The following ANKFN1 variants were observed in gnomAD, a reference collection of about 807,000 sequenced individuals.
The protein encoded by ANKFN1 is ankyrin repeat and fibronectin type III domain containing 1, also known as ankyrin repeat and fibronectin type-III domain-containing protein 1.
ANKFN1 carries 74 observed loss-of-function variants against 108.7 expected under a neutral mutation model. The observed-to-expected ratio is 0.68, with a 90% confidence interval of 0.56 to 0.83. ANKFN1 has a LOEUF of 0.83. Among genes scored for constraint, ANKFN1 ranks in the 40% least tolerant of loss-of-function variants. The probability of loss-of-function intolerance (pLI) is 0.00; values close to 1 mark genes in which losing one functional copy is unlikely to be tolerated. For missense variants in ANKFN1, 1,505 were observed against 1,382.3 expected, an observed-to-expected ratio of 1.09 and a Z score of -1.41; for synonymous variants, 547 against 516.2, an observed-to-expected ratio of 1.06 and a Z score of -0.81.
At chr17:56,499,180 G>A (rs2051291255) in intron 20 of ANKFN1, 82 bp downstream of exon 20, 1 of 1,328,900 alleles carries the variant, frequency 7.5e-7, no homozygotes, top group African/African-American at 1.5e-5. Flanking sequence ...TTTATGCTGA[G>A]GTATTGGTTC....
intron 3 of ANKFN1, among the ~76,000 whole-genome samples, chr17:56,235,575 T>C (rs1917066901): frequency 6.6e-6 from 1 of 152,218 alleles, no homozygotes; most frequent in Non-Finnish European, 1.5e-5. Context: ...TGCATATGGC[T>C]AGCCTGTTAC....
intron 3 of ANKFN1, among the ~76,000 whole-genome samples, chr17:56,231,703 G>A (rs1279481899): frequency 6.6e-6 from 1 of 152,058 alleles, no homozygotes; most frequent in Admixed American, 6.6e-5. Flanking sequence ...ACTGCTTCTT[G>A]TACTTCTAAA....
At chr17:56,164,127 C>G (rs1909937089) in intron 1 of ANKFN1, among the ~76,000 whole-genome samples, 1 of 152,032 alleles carries the variant, frequency 6.6e-6, no homozygotes, top group African/African-American at 2.4e-5. Context: ...GTATTTTATT[C>G]CCCTCAACTC....
rs528029288 is a variant in ANKFN1, at chr17:56,159,225, C to T, written c.-71+5695C>T. Among the ~76,000 whole-genome samples the T allele has an allele frequency of 3.3e-5, 5 of 152,226 alleles. No individual in the cohort carries two copies. In the South Asian group the frequency reaches 8.3e-4, roughly 25 times the overall value. ...AATCAATATCCAGAAAATGATATTC[C>T]ATGTGAAGTGCGACATTTTGTTTTG... On this transcript the variant is annotated intron_variant, in intron 1 of 20. Coordinates refer to ENST00000682825, the MANE Select transcript of ANKFN1 (RefSeq NM_001370326.1).
intron 4 of ANKFN1, among the ~76,000 whole-genome samples, chr17:56,090,753 C>T (rs182693568): frequency 1.5e-4 from 22 of 150,840 alleles, no homozygotes; most frequent in Admixed American, 1.2e-3. Flanking sequence ...ACTACAGGCA[C>T]GCACCTCCAC....
At chr17:56,435,648 A>G (rs954534338) in intron 8 of ANKFN1, among the ~76,000 whole-genome samples, 3 of 152,218 alleles carry the variant, frequency 2.0e-5, no homozygotes, top group Admixed American at 6.5e-5. Context: ...TAACTTTTAC[A>G]GTATATTCCT....
At chr17:56,384,766 C>T (rs372072666) in intron 8 of ANKFN1, among the ~76,000 whole-genome samples, 63 of 151,802 alleles carry the variant, frequency 4.2e-4, no homozygotes, top group African/African-American at 1.1e-3. Flanking sequence ...TTACAAGGGA[C>T]GTGAAGGACC....
rs574402932 is a variant in ANKFN1, at chr17:56,199,219, C to A, written c.-70-13379C>A. On this transcript the variant is annotated intron_variant, in intron 1 of 20. Transcript: ENST00000682825. ...TTGCTTTATGTTTTTTGTTGATAAT[C>A]CAAATACAATTTTTCCCATTACGTT... Among the ~76,000 whole-genome samples, 32 of 149,288 alleles carry A rather than the reference C, an allele frequency of 2.1e-4. 1 individual carries two copies. The East Asian group carries it at 6.1e-3, about 28-fold the overall frequency.
chr17:56,507,952 GT>G (rs768354682), intron 20 of ANKFN1, among the ~76,000 whole-genome samples: 1 of 152,158 alleles, frequency 6.6e-6, no homozygotes, highest in Non-Finnish European at 1.5e-5. Flanking sequence ...TTAATCTTAT[GT>G]GTTTTCTGAC....
intron 3 of ANKFN1, among the ~76,000 whole-genome samples, chr17:56,280,095 C>T (rs142867150): frequency 0.019 from 2,924 of 151,208 alleles, 84 homozygotes; most frequent in African/African-American, 0.067. Context: ...CTGCAACCTC[C>T]GCCTCCCAGG....
intron 4 of ANKFN1, among the ~76,000 whole-genome samples, chr17:56,057,539 A>G (rs1904900541): frequency 6.6e-6 from 1 of 152,228 alleles, no homozygotes; most frequent in African/African-American, 2.4e-5. Flanking sequence ...TAATCCCAGC[A>G]CTTTGAGAGG....
intron 2 of ANKFN1, 97 bp from the exon 3 acceptor site, chr17:56,227,820 T>G (rs1332742722): frequency 1.1e-6 from 1 of 950,198 alleles, no homozygotes; most frequent in Admixed American, 2.8e-5. Context: ...CTCTCTCTTT[T>G]TTTTTTCAAT....
At chr17:56,426,020 G>C (rs1327114707) in intron 8 of ANKFN1, among the ~76,000 whole-genome samples, 3 of 152,170 alleles carry the variant, frequency 2.0e-5, no homozygotes, top group Non-Finnish European at 2.9e-5. Flanking sequence ...TATCCTGAAT[G>C]TACCAGCAAT....
chr17:56,065,101 A>C (rs1013055795), intron 4 of ANKFN1, among the ~76,000 whole-genome samples: 1 of 152,110 alleles, frequency 6.6e-6, no homozygotes, highest in African/African-American at 2.4e-5. Flanking sequence ...AAGGATCCTC[A>C]TGCTTATTAT....
At chr17:56,460,648 C>CT (rs954527414) in intron 14 of ANKFN1, among the ~76,000 whole-genome samples, 79 of 145,948 alleles carry the variant, frequency 5.4e-4, no homozygotes, top group Middle Eastern at 3.5e-3. Flanking sequence ...ACCGAACCTT[C>CT]TTTTTTTTTT....
At chr17:56,209,440 G>C (rs56822373) in intron 1 of ANKFN1, among the ~76,000 whole-genome samples, 24,401 of 152,078 alleles carry the variant, frequency 0.16, 3,168 homozygotes, top group African/African-American at 0.35. Flanking sequence ...TTACTTAGAA[G>C]GTTAAGGAAG....
chr17:56,210,061 C>CATAG (rs57680665), intron 1 of ANKFN1, among the ~76,000 whole-genome samples: 42,049 of 147,924 alleles, frequency 0.28, 5,947 homozygotes, highest in Admixed American at 0.31. Flanking sequence ...TAGATAGATA[C>CATAG]ATAGATAGAT....
rs373204128 is a variant in ANKFN1 at position 56,215,099 on chromosome 17, G to A, written c.12+2420G>A. 8.6e-4 allele frequency among the ~76,000 whole-genome samples: 131 copies of A among 152,128 alleles called. 2 individuals carry two copies. Among genetic ancestry groups the A allele is most frequent in the African/African-American group, 3.0e-3 (126 of 41,484 alleles). On this transcript the variant is annotated intron_variant, in intron 2 of 20. Coordinates refer to ENST00000682825, the MANE Select transcript of ANKFN1 (RefSeq NM_001370326.1). The stretch of plus-strand genomic sequence containing the variant: ...TCACTTATGGTTATCTATCATCCTC[G>A]TCTCCAAACTCCTGCCTCTGGTATA...
rs890910206 is a variant in ANKFN1, at chr17:56,386,466, TATA to T, written c.910+11763_910+11765del. On this transcript the variant is annotated intron_variant, in intron 8 of 20. Coordinates refer to ENST00000682825, the MANE Select transcript of ANKFN1 (RefSeq NM_001370326.1). ...TGCACATGTACCCTAAAACTTAAAGTATAATAATAATAAAATAAAATAAAAAAG... is the reference window on the plus strand; with the variant it reads ...TGCACATGTACCCTAAAACTTAAAGTATAATAATAAAATAAAATAAAAAAG... 1.9e-4 allele frequency among the ~76,000 whole-genome samples: 29 copies of T among 151,332 alleles called. No individual in the cohort carries two copies. In the East Asian group the frequency reaches 5.2e-3, roughly 27 times the overall value.
Sources: allele counts gnomAD v4.1 joint callset (sites outside exome capture counted in the v4.1 genomes callset), GRCh38; gene constraint gnomAD v4.1.1; transcripts MANE v1.5; gene names NCBI Gene and HGNC (gene_info 2026-07-23, HGNC 2026-07-21).